Variants in FBXO8 observed in about 807,000 individuals in gnomAD.
FBXO8 encodes F-box only protein 8.
In FBXO8, 15 loss-of-function variants were observed where a neutral mutation model predicts 33.4. That is an observed-to-expected ratio of 0.45 (90% CI 0.30 to 0.69). The LOEUF (loss-of-function observed/expected upper bound fraction) is 0.69, where lower values mean the gene tolerates loss of function less well. Among genes scored for constraint, FBXO8 ranks in the 30% least tolerant of loss-of-function variants. The pLI is 0.08. For synonymous variants in FBXO8, 132 were observed against 131.5 expected (o/e 1.00, Z -0.02); for missense variants, 274 against 380.3 (o/e 0.72, Z 2.32).
rs923701170 is a variant in FBXO8 at position 174,247,637 on chromosome 4, A to G, written c.457-6419T>C. On this transcript the variant is annotated intron_variant, in intron 3 of 5. Coordinates refer to ENST00000393674, the MANE Select transcript of FBXO8 (RefSeq NM_012180.3). The surrounding 1 kb of genome is among the most constrained non-coding windows in gnomAD (Gnocchi z 4.6). ...AACCACAGTGAAACTAACTGAATAT[A>G]TTATTTTTCAAGTATACATTTGAGC... is the stretch of plus-strand genomic sequence containing the variant. Among the ~76,000 whole-genome samples, 2 of 152,094 alleles carry G rather than the reference A, an allele frequency of 1.3e-5. No individual in the cohort carries two copies. Among genetic ancestry groups the G allele is most frequent in the Non-Finnish European group, 2.9e-5 (2 of 67,994 alleles).
intron 1 of FBXO8, chr4:174,269,008 A>C (rs6553777): frequency 2.0e-5 from 3 of 151,914 alleles, no homozygotes; most frequent in Non-Finnish European, 2.9e-5. Context: ...AAAATTATAA[A>C]TAATGAAGAT....
At position 174,263,264 on chromosome 4, in the gene FBXO8, T is replaced by C. The variant is rs370704692; in HGVS notation, c.-8-164A>G. Among the ~76,000 whole-genome samples the C allele has an allele frequency of 6.6e-6, 1 of 152,238 alleles. No homozygotes were observed. Among genetic ancestry groups the C allele is most frequent in the Admixed American group, 6.5e-5 (1 of 15,278 alleles). On this transcript the variant is annotated intron_variant, in intron 1 of 5. Coordinates refer to ENST00000393674, the MANE Select transcript of FBXO8 (RefSeq NM_012180.3). This position sits in a 1 kb window ranked among gnomAD's most constrained non-coding sequence, Gnocchi z 4.2. The stretch of plus-strand genomic sequence containing the variant: ...ATTACTAAGAATAGCTGGAAAATTA[T>C]AAGTGCAAATTTTGATAGACAAAGT...
chr4:174,238,793 ACG>A (rs1365068858), intron 5 of FBXO8, among the ~76,000 whole-genome samples, 199 bp downstream of exon 5: 3 of 143,594 alleles, frequency 2.1e-5, no homozygotes, highest in Admixed American at 7.0e-5. Context: ...ACACACACAC[ACG>A]CACACCATAG....
chr4:174,269,087 AG>A (rs1736770645), intron 1 of FBXO8: 1 of 152,216 alleles, frequency 6.6e-6, no homozygotes, highest in South Asian at 2.1e-4. Context: ...TTTTGTTCAA[AG>A]CTTCTTTATC....
At chr4:174,246,584 A>G (rs529958314) in intron 3 of FBXO8, among the ~76,000 whole-genome samples, 1 of 147,406 alleles carries the variant, frequency 6.8e-6, no homozygotes, top group South Asian at 2.1e-4. Flanking sequence ...AAGGGAAAAA[A>G]GAGAAAGTAT....
intron 5 of FBXO8, among the ~76,000 whole-genome samples, chr4:174,238,610 T>C (rs1735943991): frequency 6.6e-6 from 1 of 150,790 alleles, no homozygotes; most frequent in African/African-American, 2.4e-5. Context: ...TCTATATGTG[T>C]ATATAGACAT....
At position 174,259,068 on chromosome 4, in the gene FBXO8, T is replaced by C. The variant is rs1736481833; in HGVS notation, c.456+631A>G. ...ATTTCTGAAAATCTGAACTTTTCCATGACATAGTAAAATAAGAATAGAGAA... is the reference window on the plus strand; with the variant it reads ...ATTTCTGAAAATCTGAACTTTTCCACGACATAGTAAAATAAGAATAGAGAA... On this transcript the variant is annotated intron_variant, in intron 3 of 5. Coordinates refer to ENST00000393674, the MANE Select transcript of FBXO8 (RefSeq NM_012180.3). The surrounding 1 kb of genome is among the most constrained non-coding windows in gnomAD (Gnocchi z 4.3). Among the ~76,000 whole-genome samples the C allele has an allele frequency of 6.6e-6, 1 of 151,650 alleles. No homozygotes were observed. The highest frequency in any genetic ancestry group is 2.4e-5 in the African/African-American group (1 of 41,306).
chr4:174,260,789 GA>G (rs1736540902), intron 2 of FBXO8, among the ~76,000 whole-genome samples: 2 of 151,952 alleles, frequency 1.3e-5, no homozygotes, highest in African/African-American at 4.8e-5. Flanking sequence ...AGAGAATACT[GA>G]AATTATATTC....
Position 174,262,828 on chromosome 4 carries a change from T to C in FBXO8, c.265A>G (p.Thr89Ala). 1.2e-6 allele frequency: 2 copies of C among 1,614,054 alleles called. No homozygotes were observed. Among genetic ancestry groups the C allele is most frequent in the Non-Finnish European group, 1.7e-6 (2 of 1,179,946 alleles). ...ACACATGAAGCCAAGCAAAGGTCAGTTGCATTCAGGTAGGACAAGATGGTA... is the reference window on the plus strand; with the variant it reads ...ACACATGAAGCCAAGCAAAGGTCAGCTGCATTCAGGTAGGACAAGATGGTA... ...SFTILSYLNATDLCLASCVWQ... is the reference protein window; with the variant it reads ...SFTILSYLNAADLCLASCVWQ... The change falls in exon 2 of 6, where the codon ACT (threonine) becomes GCT (alanine). Residue 89 changes from threonine (T) to alanine (A), a missense_variant. Thr to Ala is a moderately conservative substitution (Grantham distance 58, BLOSUM62 0). This residue lies in a region of FBXO8 where 186 missense variants were observed against 293.4 expected (regional missense o/e 0.63). Transcript: ENST00000393674. The surrounding 1 kb of genome is among the most constrained non-coding windows in gnomAD (Gnocchi z 4.6).
chr4:174,257,804 G>A lies in FBXO8; in HGVS notation c.456+1895C>T, dbSNP rs771965014. On this transcript the variant is annotated intron_variant, in intron 3 of 5. Coordinates refer to ENST00000393674, the MANE Select transcript of FBXO8 (RefSeq NM_012180.3). The surrounding 1 kb of genome is among the most constrained non-coding windows in gnomAD (Gnocchi z 4.3). ...GAGTCTCACTCTCACAACTTACTGC[G>A]CCCTTGACCTCTGGGGCTCAAGTGG... Among the ~76,000 whole-genome samples, 30 of 151,730 alleles carry A rather than the reference G, an allele frequency of 2.0e-4. No homozygotes were observed. Among genetic ancestry groups the A allele is most frequent in the Non-Finnish European group, 2.9e-4 (20 of 67,952 alleles).
At chr4:174,240,742 A>G (rs1396465830) in intron 4 of FBXO8, among the ~76,000 whole-genome samples, 1 of 151,646 alleles carries the variant, frequency 6.6e-6, no homozygotes, top group Non-Finnish European at 1.5e-5. Context: ...TTTTATATGG[A>G]TAATTTCATA....
At position 174,237,735 on chromosome 4, in the gene FBXO8, C is replaced by A; in HGVS notation, c.773-136G>T. On this transcript the variant is annotated intron_variant, in intron 5 of 5. Transcript: ENST00000393674. This position sits in a 1 kb window ranked among gnomAD's most constrained non-coding sequence, Gnocchi z 4.4. ...ATAAATACAGAGTGACCAATCCATC[C>A]CAGTTTGTCTAGACTCTTCCCAGTT... The A allele has an allele frequency of 1.4e-6, 1 of 718,038 alleles. No homozygotes were observed. Among genetic ancestry groups the A allele is most frequent in the South Asian group, 2.4e-5 (1 of 42,388 alleles). 44.5% of individuals were successfully genotyped at this position (718,038 alleles called of 1,614,324 possible). A position where few individuals can be genotyped will look rare whatever the true frequency, so the allele number is the denominator to read the frequency against.
chr4:174,267,198 G>C lies in FBXO8; in HGVS notation c.-8-4098C>G, dbSNP rs1297196161. ...GAAAATTTTAAAACTCAGCATGCCT[G>C]AGGATGGTGCCAATAGCAGTTCCAT... On this transcript the variant is annotated intron_variant, in intron 1 of 5. Transcript: ENST00000393674. This position sits in a 1 kb window ranked among gnomAD's most constrained non-coding sequence, Gnocchi z 4.7. Among the ~76,000 whole-genome samples the C allele has an allele frequency of 6.6e-6, 1 of 152,216 alleles. No individual in the cohort carries two copies. The highest frequency in any genetic ancestry group is 1.5e-5 in the Non-Finnish European group (1 of 68,042).
intron 1 of FBXO8, among the ~76,000 whole-genome samples, chr4:174,266,873 G>A (rs771675285): frequency 1.3e-5 from 2 of 152,164 alleles, no homozygotes; most frequent in Admixed American, 6.5e-5. Context: ...CAGTCAATAC[G>A]TTAGATATTA....
At chr4:174,264,678 T>C (rs1655966915) in intron 1 of FBXO8, among the ~76,000 whole-genome samples, 1 of 152,012 alleles carries the variant, frequency 6.6e-6, no homozygotes, top group African/African-American at 2.4e-5. Flanking sequence ...AATTTTAAAA[T>C]GTAGGCACAT....
At position 174,278,296 on chromosome 4, in the gene FBXO8, G is replaced by A. The variant is rs527614628; in HGVS notation, c.-9+5114C>T. ...ATCTGGTCCTGCAAGAGCAGTTTTTGTTACTAAAAGGCATACCATTTGCAG... is the reference window on the plus strand; with the variant it reads ...ATCTGGTCCTGCAAGAGCAGTTTTTATTACTAAAAGGCATACCATTTGCAG... On this transcript the variant is annotated intron_variant, in intron 1 of 5. Coordinates refer to ENST00000393674, the MANE Select transcript of FBXO8 (RefSeq NM_012180.3). The surrounding 1 kb of genome is among the most constrained non-coding windows in gnomAD (Gnocchi z 4.1). 1.3e-5 allele frequency among the ~76,000 whole-genome samples: 2 copies of A among 152,066 alleles called. No individual in the cohort carries two copies. Among genetic ancestry groups the A allele is most frequent in the Admixed American group, 1.3e-4 (2 of 15,282 alleles).
chr4:174,260,574 C>G (rs1482840955), intron 2 of FBXO8, among the ~76,000 whole-genome samples: 1 of 151,962 alleles, frequency 6.6e-6, no homozygotes, highest in Non-Finnish European at 1.5e-5. Context: ...CAGAGTGATA[C>G]ATGATTGTTT....
At position 174,251,540 on chromosome 4, in the gene FBXO8, A is replaced by G. The variant is rs1293045892; in HGVS notation, c.456+8159T>C. On this transcript the variant is annotated intron_variant, in intron 3 of 5. Coordinates refer to ENST00000393674, the MANE Select transcript of FBXO8 (RefSeq NM_012180.3). The surrounding 1 kb of genome is among the most constrained non-coding windows in gnomAD (Gnocchi z 4.2). The stretch of plus-strand genomic sequence containing the variant: ...AAAGTTGTCCTAAAAGGCAAAGGGT[A>G]AAGCTGCCTTCTTAACCATAAAATC... Among the ~76,000 whole-genome samples the G allele has an allele frequency of 6.6e-6, 1 of 152,124 alleles. No individual in the cohort carries two copies. Among genetic ancestry groups the G allele is most frequent in the Non-Finnish European group, 1.5e-5 (1 of 68,020 alleles).
At position 174,259,487 on chromosome 4, in the gene FBXO8, A is replaced by C. The variant is rs954111631; in HGVS notation, c.456+212T>G. Among the ~76,000 whole-genome samples, 9 of 152,128 alleles carry C rather than the reference A, an allele frequency of 5.9e-5. No individual in the cohort carries two copies. The highest frequency in any genetic ancestry group is 1.9e-4 in the African/African-American group (8 of 41,464). On this transcript the variant is annotated intron_variant, in intron 3 of 5. Transcript: ENST00000393674. The surrounding 1 kb of genome is among the most constrained non-coding windows in gnomAD (Gnocchi z 4.3). Reference sequence around the variant, plus strand: ...TATATATCATGGATGCTGCTACATAAAGTGAACAGGTAGAAAGGTTAGAAC... The same window carrying C: ...TATATATCATGGATGCTGCTACATACAGTGAACAGGTAGAAAGGTTAGAAC...
Sources: allele counts gnomAD v4.1 joint callset (sites outside exome capture counted in the v4.1 genomes callset), GRCh38; gene constraint gnomAD v4.1.1; regional missense constraint gnomAD v4.1.1; non-coding constraint Gnocchi (gnomAD v3.1); transcripts MANE v1.5; gene names NCBI Gene and HGNC (gene_info 2026-07-23, HGNC 2026-07-21).